Variants in SH3RF3 observed in about 807,000 individuals in gnomAD.
The protein encoded by SH3RF3 is SH3 domain containing ring finger 3.
In SH3RF3, 29 loss-of-function variants were observed where a neutral mutation model predicts 66.3. The ratio of observed to expected loss-of-function variants is 0.44; its 90% confidence interval spans 0.33 to 0.60. The LOEUF (loss-of-function observed/expected upper bound fraction) is 0.60, where lower values mean the gene tolerates loss of function less well. SH3RF3 is among the 20% of genes least tolerant of loss of function. SH3RF3 has a pLI of 0.04. For synonymous variants in SH3RF3, 583 were observed against 532.0 expected (o/e 1.10, Z -1.32); for missense variants, 1,194 against 1,190.9 (o/e 1.00, Z -0.04).
rs1193057187 is a variant in SH3RF3, at chr2:109,431,707, AC to A, written c.1404-793del. Among the ~76,000 whole-genome samples the A allele has an allele frequency of 2.0e-5, 3 of 152,290 alleles. No individual in the cohort carries two copies. The East Asian group carries it at 5.8e-4, about 30-fold the overall frequency. On this transcript the variant is annotated intron_variant, in intron 5 of 9. Transcript: ENST00000309415. ...GGCAACATAGTGGGACCCCATCTTT[AC>A]AAAAAATAAAAAACTTAGCCAGCAT...
chr2:109,413,632 C>A (rs557060687), intron 4 of SH3RF3, among the ~76,000 whole-genome samples: 5 of 152,196 alleles, frequency 3.3e-5, no homozygotes, highest in Non-Finnish European at 7.4e-5. Flanking sequence ...TGTATGAGAA[C>A]GTCTCTGGCC....
At chr2:109,280,061 TCC>T (rs1680846811) in intron 1 of SH3RF3, among the ~76,000 whole-genome samples, 1 of 152,124 alleles carries the variant, frequency 6.6e-6, no homozygotes, top group African/African-American at 2.4e-5. Flanking sequence ...CAGGCTCCCC[TCC>T]TATTTTTTTC....
chr2:109,185,239 G>C (rs1419303329), intron 1 of SH3RF3, among the ~76,000 whole-genome samples: 5 of 152,224 alleles, frequency 3.3e-5, no homozygotes, highest in Non-Finnish European at 7.3e-5. Flanking sequence ...AGAATAATTT[G>C]ACAGGGACAT....
chr2:109,250,039 T>A (rs1466179552), intron 1 of SH3RF3, among the ~76,000 whole-genome samples: 2 of 150,734 alleles, frequency 1.3e-5, no homozygotes, highest in African/African-American at 4.9e-5. Context: ...AAACTTGTTA[T>A]TTTTACCATG....
chr2:109,468,213 G>A (rs919864853), intron 8 of SH3RF3, among the ~76,000 whole-genome samples: 1 of 152,216 alleles, frequency 6.6e-6, no homozygotes, highest in African/African-American at 2.4e-5. Context: ...AGGCTGTGTG[G>A]TGTAGTCTCT....
chr2:109,254,847 T>G (rs951359011), intron 1 of SH3RF3, among the ~76,000 whole-genome samples: 2 of 152,168 alleles, frequency 1.3e-5, no homozygotes, highest in African/African-American at 2.4e-5. Flanking sequence ...GGGCAGTATC[T>G]GCTCTCTGTG....
chr2:109,494,608 G>A lies in SH3RF3; in HGVS notation c.2480+3672G>A, dbSNP rs182724049. 4.6e-4 allele frequency among the ~76,000 whole-genome samples: 70 copies of A among 152,318 alleles called. 1 individual carries two copies. In the East Asian group the frequency reaches 9.7e-3, roughly 21 times the overall value. On this transcript the variant is annotated intron_variant, in intron 9 of 9. Transcript: ENST00000309415. Reference sequence around the variant, plus strand: ...GGCTGCGCCCTGTGCAGAGGTGAGAGTCCCTGCAGTGGGGCCAGAACACTC... The same window carrying A: ...GGCTGCGCCCTGTGCAGAGGTGAGAATCCCTGCAGTGGGGCCAGAACACTC...
chr2:109,403,583 C>G (rs73955576), intron 4 of SH3RF3, among the ~76,000 whole-genome samples: 3 of 152,334 alleles, frequency 2.0e-5, no homozygotes, highest in South Asian at 2.1e-4. Flanking sequence ...AAAGGAGACA[C>G]GCAGGAGAAT....
chr2:109,375,168 G>A (rs985032500), intron 3 of SH3RF3, among the ~76,000 whole-genome samples: 1 of 152,214 alleles, frequency 6.6e-6, no homozygotes, highest in Admixed American at 6.5e-5. Flanking sequence ...TGCTGCCCCT[G>A]GGCACTGACC....
intron 1 of SH3RF3, among the ~76,000 whole-genome samples, chr2:109,163,468 G>A (rs1350974394): frequency 8.2e-6 from 1 of 121,896 alleles, no homozygotes; most frequent in Non-Finnish European, 1.6e-5. Flanking sequence ...GCGGGATCTC[G>A]GCTCACTGCA....
intron 8 of SH3RF3, among the ~76,000 whole-genome samples, chr2:109,468,864 A>G (rs1238971120): frequency 6.6e-6 from 1 of 150,918 alleles, no homozygotes; most frequent in African/African-American, 2.4e-5. Flanking sequence ...AGAAAAAAAA[A>G]AAAAAAAAAA....
chr2:109,164,005 AGTTT>A (rs761593113), intron 1 of SH3RF3, among the ~76,000 whole-genome samples: 71 of 152,102 alleles, frequency 4.7e-4, no homozygotes, highest in Admixed American at 2.9e-3. Context: ...CCAGGGCTTT[AGTTT>A]GTTTGTTACA....
intron 8 of SH3RF3, among the ~76,000 whole-genome samples, chr2:109,450,140 G>C (rs1439418896): frequency 6.6e-6 from 1 of 152,242 alleles, no homozygotes; most frequent in Admixed American, 6.5e-5. Flanking sequence ...GAGGTCAGGA[G>C]TTTGAAACCA....
At position 109,238,496 on chromosome 2, in the gene SH3RF3, T is replaced by A. The variant is rs1175271569; in HGVS notation, c.573+108383T>A. Among the ~76,000 whole-genome samples the A allele has an allele frequency of 6.1e-5, 8 of 131,300 alleles. No individual in the cohort carries two copies. In the East Asian group the frequency reaches 6.5e-4, roughly 11 times the overall value. 86.1% of individuals were successfully genotyped at this position (131,300 alleles called of 152,430 possible). On this transcript the variant is annotated intron_variant, in intron 1 of 9. Transcript: ENST00000309415. ...GTGTGTGTGTGTGTGTGTGTGTGTGTGTGAGAGTGAGACAGAGCCTCACCT... is the reference window on the plus strand; with the variant it reads ...GTGTGTGTGTGTGTGTGTGTGTGTGAGTGAGAGTGAGACAGAGCCTCACCT...
At chr2:109,148,204 T>C (rs1342755046) in intron 1 of SH3RF3, among the ~76,000 whole-genome samples, 1 of 152,232 alleles carries the variant, frequency 6.6e-6, no homozygotes, top group Non-Finnish European at 1.5e-5. Flanking sequence ...CTGCCTGCTC[T>C]AGGACTCAGG....
At chr2:109,301,334 ACG>A (rs1491418566) in intron 1 of SH3RF3, among the ~76,000 whole-genome samples, 3 of 79,078 alleles carry the variant, frequency 3.8e-5, no homozygotes, top group African/African-American at 1.4e-4. Context: ...TATCTGTGTG[ACG>A]TGTGTGTGTG....
At chr2:109,289,886 G>C (rs974381468) in intron 1 of SH3RF3, among the ~76,000 whole-genome samples, 2 of 152,194 alleles carry the variant, frequency 1.3e-5, no homozygotes, top group African/African-American at 4.8e-5. Context: ...GTTTGAACCA[G>C]AGGATTGCTG....
chr2:109,357,520 C>T (rs746142467), intron 2 of SH3RF3, among the ~76,000 whole-genome samples: 2 of 152,206 alleles, frequency 1.3e-5, no homozygotes, highest in African/African-American at 2.4e-5. Context: ...ATGATGGATA[C>T]TGGGGCTCCT....
chr2:109,472,282 C>T (rs754816067), intron 8 of SH3RF3, among the ~76,000 whole-genome samples: 30 of 151,656 alleles, frequency 2.0e-4, no homozygotes, highest in Admixed American at 3.3e-4. Context: ...TCCAGGAAGA[C>T]GGTGGCAGGA....
Sources: allele counts gnomAD v4.1 joint callset (sites outside exome capture counted in the v4.1 genomes callset), GRCh38; gene constraint gnomAD v4.1.1; transcripts MANE v1.5; gene names NCBI Gene and HGNC (gene_info 2026-07-23, HGNC 2026-07-21).